Variants in ICA1 observed in about 807,000 individuals in gnomAD.
The protein encoded by ICA1 is islet cell autoantigen 1.
A neutral mutation model predicts 71.0 loss-of-function variants in ICA1; 40 were observed. The observed-to-expected ratio is 0.56, with a 90% CI of 0.44 to 0.73. The LOEUF is 0.73. ICA1 is among the 30% of genes least tolerant of loss of function. The pLI, the probability that ICA1 is intolerant of heterozygous loss-of-function variation, is 0.00. For synonymous variants in ICA1, 207 were observed against 209.5 expected (o/e 0.99, Z 0.10); for missense variants, 578 against 576.5 (o/e 1.00, Z -0.03).
At chr7:8,254,529 C>G (rs1809370420) in intron 1 of ICA1, among the ~76,000 whole-genome samples, 2 of 148,590 alleles carry the variant, frequency 1.3e-5, no homozygotes, top group South Asian at 4.4e-4. Flanking sequence ...TATTTGAGAA[C>G]TAATAAAGAT....
At position 8,129,704 on chromosome 7, in the gene ICA1, A is replaced by T. The variant is rs530527779; in HGVS notation, c.1061-1562T>A. Among the ~76,000 whole-genome samples the T allele has an allele frequency of 6.5e-4, 99 of 152,270 alleles. No individual in the cohort carries two copies. The East Asian group carries it at 8.3e-3, about 13-fold the overall frequency. On this transcript the variant is annotated intron_variant, in intron 12 of 13. Coordinates refer to ENST00000402384, the MANE Select transcript of ICA1 (RefSeq NM_001136020.3). ...CTTCTGAGACAGTGTGATTTTTTTT[A>T]AAATTATTATTATTATACTTTAAGT...
intron 8 of ICA1, among the ~76,000 whole-genome samples, chr7:8,155,728 G>A (rs184968584): frequency 3.3e-5 from 5 of 152,214 alleles, no homozygotes; most frequent in Admixed American, 3.3e-4. Flanking sequence ...ATGGGATTTT[G>A]CTCAGGCCTG....
At chr7:8,203,848 T>C in intron 6 of ICA1, among the ~76,000 whole-genome samples, 1 of 152,116 alleles carries the variant, frequency 6.6e-6, no homozygotes, top group East Asian at 1.9e-4. Context: ...ATGCTGGCCT[T>C]TGTGATGTCT....
In ICA1 at chr7:8,180,987, T is replaced by C. The variant is rs577614757; in HGVS notation, c.580-22335A>G. 4.6e-5 allele frequency among the ~76,000 whole-genome samples: 7 copies of C among 152,270 alleles called. No homozygotes were observed. In the South Asian group the frequency reaches 1.2e-3, roughly 27 times the overall value. Reference sequence around the variant, plus strand: ...TTTTAATGAAAAGATTGAATTTTCATAAAACATAATTTATTATTTTCTTTT... The same window carrying C: ...TTTTAATGAAAAGATTGAATTTTCACAAAACATAATTTATTATTTTCTTTT... On this transcript the variant is annotated intron_variant, in intron 6 of 13. Transcript: ENST00000402384.
chr7:8,254,124 G>A (rs540408202), intron 1 of ICA1, among the ~76,000 whole-genome samples: 1 of 152,248 alleles, frequency 6.6e-6, no homozygotes, highest in Non-Finnish European at 1.5e-5. Flanking sequence ...TTCACTGAAG[G>A]AACTGAGGGA....
intron 12 of ICA1, among the ~76,000 whole-genome samples, chr7:8,137,777 T>A (rs1004016469): frequency 6.6e-6 from 1 of 152,246 alleles, no homozygotes; most frequent in Non-Finnish European, 1.5e-5. Flanking sequence ...CCCTAAACCC[T>A]GAAAACTTAA....
chr7:8,218,522 C>G lies in ICA1; in HGVS notation c.381-19G>C. The stretch of plus-strand genomic sequence containing the variant: ...GGCCAACCTAGACAAGAGGACAAAG[C>G]CACACTCTCAAAACTAAGCCAGTGA... On this transcript the variant is annotated intron_variant, in intron 5 of 13. Coordinates refer to ENST00000402384, the MANE Select transcript of ICA1 (RefSeq NM_001136020.3). 1 of 1,610,352 alleles carries G rather than the reference C, an allele frequency of 6.2e-7. No homozygotes were observed. Among genetic ancestry groups the G allele is most frequent in the Non-Finnish European group, 8.5e-7 (1 of 1,176,796 alleles).
At chr7:8,154,829 CA>C (rs1466724387) in intron 8 of ICA1, among the ~76,000 whole-genome samples, 23 of 152,304 alleles carry the variant, frequency 1.5e-4, no homozygotes, top group Admixed American at 1.4e-3. Flanking sequence ...CTTTCACCAT[CA>C]TGTTTTGTGG....
At chr7:8,126,624 A>G (rs1454500613) in intron 13 of ICA1, among the ~76,000 whole-genome samples, 1 of 152,106 alleles carries the variant, frequency 6.6e-6, no homozygotes, top group African/African-American at 2.4e-5. Flanking sequence ...TTAATAGCCC[A>G]TAATTACTTA....
At chr7:8,248,567 T>C (rs1158472283) in intron 1 of ICA1, among the ~76,000 whole-genome samples, 8 of 151,990 alleles carry the variant, frequency 5.3e-5, no homozygotes, top group African/African-American at 1.9e-4. Context: ...ATACAAAAAA[T>C]TAGCTGGGCA....
intron 4 of ICA1, chr7:8,227,739 G>C (rs1394239350): frequency 2.4e-6 from 1 of 410,008 alleles, no homozygotes; most frequent in East Asian, 7.8e-5. Context: ...ACGGTACCCG[G>C]ATAATTTTTA....
At chr7:8,253,739 G>A (rs1052893896) in intron 1 of ICA1, among the ~76,000 whole-genome samples, 5 of 152,064 alleles carry the variant, frequency 3.3e-5, no homozygotes, top group Admixed American at 2.6e-4. Context: ...GTTCTGCAGG[G>A]CTCTGCAGGA....
chr7:8,180,732 C>A (rs184603008), intron 6 of ICA1, among the ~76,000 whole-genome samples: 245 of 152,166 alleles, frequency 1.6e-3, no homozygotes, highest in Middle Eastern at 6.8e-3. Context: ...AGTACCTCTA[C>A]AGGTGTACAT....
At chr7:8,262,467 GGAGT>G (rs1812881358), upstream of ICA1, 1 of 152,272 alleles carries the variant, frequency 6.6e-6, no homozygotes, top group Admixed American at 6.5e-5. Context: ...GGGGACTCGG[GGAGT>G]GAGTTTCTCT....
chr7:8,198,336 G>C (rs963312139), intron 6 of ICA1, among the ~76,000 whole-genome samples: 5 of 152,182 alleles, frequency 3.3e-5, no homozygotes, highest in African/African-American at 1.2e-4. Flanking sequence ...GCATTGTTTG[G>C]AGAAAATCAA....
Position 8,207,874 on chromosome 7 carries a change from C to T in ICA1, c.579+10431G>A, listed in dbSNP as rs148291175. Among the ~76,000 whole-genome samples, 651 of 152,286 alleles carry T rather than the reference C, an allele frequency of 4.3e-3. 4 individuals are homozygous for T. The highest frequency in any genetic ancestry group is 0.015 in the African/African-American group (606 of 41,562). ...GATCATTCTTCCGATAGCTCAAACACTAAAATATAGATAGACTTAGGACCT... is the reference window on the plus strand; with the variant it reads ...GATCATTCTTCCGATAGCTCAAACATTAAAATATAGATAGACTTAGGACCT... On this transcript the variant is annotated intron_variant, in intron 6 of 13. Transcript: ENST00000402384.
At chr7:8,258,605 G>C (rs1439133982) in intron 1 of ICA1, among the ~76,000 whole-genome samples, 1 of 152,192 alleles carries the variant, frequency 6.6e-6, no homozygotes, top group African/African-American at 2.4e-5. Context: ...TTTAAGTTCA[G>C]TTATCTTAAG....
rs200321005 is a variant in ICA1 at position 8,235,303 on chromosome 7, G to A, written c.17+607C>T. On this transcript the variant is annotated intron_variant, in intron 2 of 13. Transcript: ENST00000402384. ...GTGGGTCATGGGTTCAAAAGAATTT[G>A]GAAACACTGCTTGAAGAGCTCTGGA... Among the ~76,000 whole-genome samples, 4 of 152,276 alleles carry A rather than the reference G, an allele frequency of 2.6e-5. No homozygotes were observed. In the East Asian group the frequency reaches 7.7e-4, roughly 29 times the overall value.
intron 6 of ICA1, among the ~76,000 whole-genome samples, chr7:8,214,419 G>A (rs1476346053): frequency 2.6e-5 from 4 of 152,138 alleles, no homozygotes; most frequent in Admixed American, 2.6e-4. Flanking sequence ...CGTGGTCTTG[G>A]GGTGAATCAC....
Sources: allele counts gnomAD v4.1 joint callset (sites outside exome capture counted in the v4.1 genomes callset), GRCh38; gene constraint gnomAD v4.1.1; transcripts MANE v1.5; gene names NCBI Gene and HGNC (gene_info 2026-07-23, HGNC 2026-07-21).